Variants in NTRK3 observed in about 807,000 individuals in gnomAD.
NTRK3 encodes the protein neurotrophic receptor tyrosine kinase 3.
A neutral mutation model predicts 91.7 loss-of-function variants in NTRK3; 24 were observed. The observed-to-expected ratio is 0.26, with a 90% CI of 0.19 to 0.37. NTRK3 has a LOEUF of 0.37. NTRK3 is among the 10% of genes least tolerant of loss of function. The probability of loss-of-function intolerance (pLI) is 1.00; values close to 1 mark genes in which losing one functional copy is unlikely to be tolerated. For synonymous variants in NTRK3, 483 were observed against 404.0 expected (o/e 1.20, Z -2.34); for missense variants, 880 against 1,068.9 (o/e 0.82, Z 2.46).
chr15:88,027,956 A>G (rs1442271591), intron 14 of NTRK3, among the ~76,000 whole-genome samples: 2 of 152,198 alleles, frequency 1.3e-5, no homozygotes, highest in African/African-American at 2.4e-5. Flanking sequence ...TTGCGATAGC[A>G]TGGGGCTAGG....
chr15:87,959,925 C>G (rs1297425269), intron 14 of NTRK3, among the ~76,000 whole-genome samples: 3 of 152,162 alleles, frequency 2.0e-5, no homozygotes, highest in African/African-American at 7.2e-5. Flanking sequence ...AAGTTGAATT[C>G]TCAGACATGT....
chr15:88,104,816 G>C (rs111484025), intron 13 of NTRK3, among the ~76,000 whole-genome samples: 24 of 152,326 alleles, frequency 1.6e-4, no homozygotes, highest in African/African-American at 5.3e-4. Context: ...GAACAGAGGG[G>C]ACAAGTTATA....
intron 3 of NTRK3, among the ~76,000 whole-genome samples, chr15:88,209,130 G>A (rs1404092642): frequency 1.3e-5 from 2 of 152,232 alleles, no homozygotes; most frequent in African/African-American, 4.8e-5. Flanking sequence ...ATCCAAGATA[G>A]AGGAAATGAG....
rs116096219 is a variant in NTRK3, at chr15:87,873,906, G to A, written c.*3029C>T. On this transcript the variant is annotated 3_prime_UTR_variant, in exon 19 of 19. Transcript: ENST00000394480. ...TGCCCAGGCCCAGTGAGCCTTCAGC[G>A]GCAACTGCCCCCCACCTATGCAAGG... 409 of 230,428 alleles carry A rather than the reference G, an allele frequency of 1.8e-3. 1 individual carries two copies. Among genetic ancestry groups the A allele is most frequent in the African/African-American group, 8.2e-3 (372 of 45,236 alleles). 14.3% of individuals were successfully genotyped at this position (230,428 alleles called of 1,614,324 possible).
intron 13 of NTRK3, among the ~76,000 whole-genome samples, chr15:88,040,338 A>G (rs1196904100): frequency 6.6e-6 from 1 of 152,240 alleles, no homozygotes; most frequent in Non-Finnish European, 1.5e-5. Flanking sequence ...GCCTGGGACA[A>G]CAAGTCACCA....
rs1205219751 is a variant in NTRK3, at chr15:88,166,951, T to C, written c.395+16467A>G. On this transcript the variant is annotated intron_variant, in intron 5 of 18. Transcript: ENST00000394480. Reference sequence around the variant, plus strand: ...CTGCTTGCTTGTATGTGCACACATGTACATTCCATGAATTTTCTCCCCTCT... The same window carrying C: ...CTGCTTGCTTGTATGTGCACACATGCACATTCCATGAATTTTCTCCCCTCT... Among the ~76,000 whole-genome samples, 7 of 152,272 alleles carry C rather than the reference T, an allele frequency of 4.6e-5. No individual in the cohort carries two copies. The East Asian group carries it at 1.2e-3, about 25-fold the overall frequency.
chr15:87,861,361 C>T (rs1481406284), exon 19 of NTRK3: 1 of 213,704 alleles, frequency 4.7e-6, no homozygotes, highest in Non-Finnish European at 9.4e-6. Flanking sequence ...AAGTTTGCTG[C>T]ACAACATCAG....
intron 6 of NTRK3, among the ~76,000 whole-genome samples, chr15:88,139,490 C>G (rs2151242443): frequency 6.6e-6 from 1 of 152,236 alleles, no homozygotes; most frequent in East Asian, 1.9e-4. Context: ...CGTGAGGCTC[C>G]TGGGGAAAAG....
intron 17 of NTRK3, among the ~76,000 whole-genome samples, chr15:87,904,094 T>C (rs963579801): frequency 1.3e-5 from 2 of 151,984 alleles, no homozygotes; most frequent in Admixed American, 6.6e-5. Flanking sequence ...CCCAGCATGC[T>C]ACTTTAAAGG....
At chr15:88,090,663 C>G (rs1404013525) in intron 13 of NTRK3, among the ~76,000 whole-genome samples, 1 of 152,142 alleles carries the variant, frequency 6.6e-6, no homozygotes, top group African/African-American at 2.4e-5. Context: ...ACAATGCCAA[C>G]CTGCCAGTAA....
At chr15:87,912,094 C>T (rs2067117053) in intron 17 of NTRK3, among the ~76,000 whole-genome samples, 1 of 152,210 alleles carries the variant, frequency 6.6e-6, no homozygotes, top group Non-Finnish European at 1.5e-5. Flanking sequence ...ATTTTACAGA[C>T]TACAATCACC....
intron 17 of NTRK3, among the ~76,000 whole-genome samples, chr15:87,904,641 T>G (rs1037833265): frequency 6.6e-6 from 1 of 152,162 alleles, no homozygotes; most frequent in African/African-American, 2.4e-5. Flanking sequence ...AAGGCATGGG[T>G]ATTATTCTTT....
At chr15:88,056,987 G>A (rs186955224) in intron 13 of NTRK3, among the ~76,000 whole-genome samples, 78 of 151,724 alleles carry the variant, frequency 5.1e-4, no homozygotes, top group African/African-American at 1.8e-3. Context: ...TCGCTAACAC[G>A]GTGAAACCCC....
At chr15:88,175,381 T>G (rs1567584717) in intron 5 of NTRK3, among the ~76,000 whole-genome samples, 2 of 149,616 alleles carry the variant, frequency 1.3e-5, no homozygotes, top group African/African-American at 2.5e-5. Flanking sequence ...CACAGAGAGA[T>G]AGAGAGAGAG....
chr15:87,976,947 T>A (rs1033406514), intron 14 of NTRK3, among the ~76,000 whole-genome samples: 2 of 151,178 alleles, frequency 1.3e-5, no homozygotes, highest in African/African-American at 4.9e-5. Context: ...CCCCCATATA[T>A]CAGCTCTCAA....
intron 13 of NTRK3, among the ~76,000 whole-genome samples, chr15:88,110,370 G>A (rs1351247261): frequency 2.0e-5 from 3 of 152,192 alleles, no homozygotes; most frequent in Non-Finnish European, 4.4e-5. Flanking sequence ...GCTGTTGGAT[G>A]GAGGAGAACA....
intron 3 of NTRK3, chr15:88,252,631 C>G (rs929145602): frequency 2.0e-5 from 3 of 152,464 alleles, no homozygotes; most frequent in African/African-American, 7.2e-5. Context: ...GCGGCCCAGA[C>G]AGTCCACCAT....
At chr15:88,030,941 T>C (rs80064374) in intron 14 of NTRK3, among the ~76,000 whole-genome samples, 16 of 152,216 alleles carry the variant, frequency 1.1e-4, no homozygotes, top group African/African-American at 3.6e-4. Flanking sequence ...CTAGTGACTA[T>C]GCAGTTTGGT....
In NTRK3 at chr15:88,123,364, T is replaced by C. The variant is rs568338560; in HGVS notation, c.1396+2907A>G. Among the ~76,000 whole-genome samples the C allele has an allele frequency of 9.2e-5, 14 of 152,328 alleles. No individual in the cohort carries two copies. The South Asian group carries it at 2.9e-3, about 32-fold the overall frequency. ...AATTCAAAACTGAGACTGGGGTGGA[T>C]GTGAAGAGACAAGGCTTTCCCTAAG... On this transcript the variant is annotated intron_variant, in intron 13 of 18. Transcript: ENST00000394480.
Sources: gnomAD v4.1 joint callset for allele counts (sites outside exome capture counted in the v4.1 genomes callset) on GRCh38, gnomAD v4.1.1 for gene constraint, MANE v1.5 for transcripts, NCBI Gene and HGNC (gene_info 2026-07-23, HGNC 2026-07-21) for gene names.